SIMC1: variants seen among roughly 807,000 people sequenced by gnomAD.
The protein encoded by SIMC1 is SUMO interacting motifs containing 1.
A neutral mutation model predicts 82.3 loss-of-function variants in SIMC1; 55 were observed. That is an observed-to-expected ratio of 0.67 (90% CI 0.54 to 0.84). The LOEUF (loss-of-function observed/expected upper bound fraction) is 0.84, where lower values mean the gene tolerates loss of function less well. Among genes scored for constraint, SIMC1 ranks in the 40% least tolerant of loss-of-function variants. The probability of loss-of-function intolerance (pLI) is 0.00; values close to 1 mark genes in which losing one functional copy is unlikely to be tolerated. For synonymous variants in SIMC1, 353 were observed against 426.3 expected (o/e 0.83, Z 2.12); for missense variants, 915 against 1,107.2 (o/e 0.83, Z 2.46).
chr5:176,262,483 A>T (rs1398614798), intron 1 of SIMC1, among the ~76,000 whole-genome samples: 1 of 152,138 alleles, frequency 6.6e-6, no homozygotes, highest in Admixed American at 6.6e-5. Context: ...GTCCTAGCTA[A>T]TGTGACAAAA....
intron 4 of SIMC1, chr5:176,308,483 CA>C: frequency 1.2e-6 from 2 of 1,607,708 alleles, no homozygotes; most frequent in East Asian, 4.5e-5. Context: ...GCACCCAAGC[CA>C]TGTACCAGAT....
intron 1 of SIMC1, among the ~76,000 whole-genome samples, chr5:176,285,901 T>A (rs1763254667): frequency 6.6e-6 from 1 of 152,134 alleles, no homozygotes; most frequent in African/African-American, 2.4e-5. Flanking sequence ...TCAAAGAGAA[T>A]AAAATACCTA....
chr5:176,291,136 C>T (rs1763541934), intron 2 of SIMC1, among the ~76,000 whole-genome samples, 181 bp downstream of exon 2: 3 of 149,496 alleles, frequency 2.0e-5, no homozygotes, highest in South Asian at 2.1e-4. Context: ...ATTTTAGCCC[C>T]ACGCTTAAAA....
intron 1 of SIMC1, among the ~76,000 whole-genome samples, chr5:176,276,309 G>A (rs981970286): frequency 2.6e-5 from 4 of 151,340 alleles, no homozygotes; most frequent in East Asian, 1.9e-4. Context: ...CTTTGGGATC[G>A]GTGGTGATCT....
intron 7 of SIMC1, among the ~76,000 whole-genome samples, chr5:176,330,316 G>T (rs972382552): frequency 6.6e-6 from 1 of 151,438 alleles, no homozygotes; most frequent in Non-Finnish European, 1.5e-5. Context: ...CAGGAGAATC[G>T]CTTGAAATCA....
chr5:176,345,120 G>C, intron 9 of SIMC1, 63 bp from the exon 10 acceptor site: 1 of 1,547,542 alleles, frequency 6.5e-7, no homozygotes. Flanking sequence ...ACCAAAATTA[G>C]ACTTCTTAAA....
chr5:176,273,086 G>T (rs1762517951), intron 1 of SIMC1, among the ~76,000 whole-genome samples: 1 of 152,160 alleles, frequency 6.6e-6, no homozygotes, highest in African/African-American at 2.4e-5. Context: ...GAGAGTAGTG[G>T]TTCTCCCAGC....
At chr5:176,294,692 G>A (rs1390160150) in intron 2 of SIMC1, among the ~76,000 whole-genome samples, 2 of 151,246 alleles carry the variant, frequency 1.3e-5, no homozygotes, top group Non-Finnish European at 2.9e-5. Context: ...GCTCGGCGCC[G>A]TGGCTCACAC....
intron 1 of SIMC1, among the ~76,000 whole-genome samples, chr5:176,246,844 G>C (rs1378980746): frequency 6.6e-6 from 1 of 151,792 alleles, no homozygotes; most frequent in African/African-American, 2.4e-5. Context: ...CCACTTATAA[G>C]TGAGAACATG....
intron 7 of SIMC1, among the ~76,000 whole-genome samples, chr5:176,334,747 G>A (rs1234273929): frequency 6.6e-6 from 1 of 152,124 alleles, no homozygotes; most frequent in Non-Finnish European, 1.5e-5. Flanking sequence ...AGTGCCCCCA[G>A]CAAGAAATCT....
In SIMC1 at chr5:176,286,812, G is replaced by A. The variant is rs567433275; in HGVS notation, c.130-2842G>A. Among the ~76,000 whole-genome samples, 5 of 152,202 alleles carry A rather than the reference G, an allele frequency of 3.3e-5. No individual in the cohort carries two copies. In the East Asian group the frequency reaches 7.7e-4, roughly 23 times the overall value. ...AAAAAATCAACCCTATCAAAAAGTG[G>A]GCGAAATATATGAACAGATACTTCT... On this transcript the variant is annotated intron_variant, in intron 1 of 9. Transcript: ENST00000429602.
intron 1 of SIMC1, among the ~76,000 whole-genome samples, chr5:176,266,527 C>T (rs1396781772): frequency 1.4e-5 from 2 of 147,300 alleles, no homozygotes; most frequent in African/African-American, 2.6e-5. Context: ...GTTTGCAGTT[C>T]GAATCTAGGC....
intron 1 of SIMC1, among the ~76,000 whole-genome samples, chr5:176,253,147 G>A (rs1329667562): frequency 6.6e-6 from 1 of 152,128 alleles, no homozygotes; most frequent in Non-Finnish European, 1.5e-5. Context: ...AGACAGAGAG[G>A]GAGAGGGAGA....
At chr5:176,249,880 A>G (rs1413241446) in intron 1 of SIMC1, among the ~76,000 whole-genome samples, 1 of 144,818 alleles carries the variant, frequency 6.9e-6, no homozygotes, top group Admixed American at 7.0e-5. Flanking sequence ...TCCTGAATTC[A>G]TTGATTTTTT....
At chr5:176,255,206 T>C (rs1029768715) in intron 1 of SIMC1, among the ~76,000 whole-genome samples, 8 of 151,748 alleles carry the variant, frequency 5.3e-5, no homozygotes, top group Admixed American at 4.6e-4. Flanking sequence ...ATTGTGCCAC[T>C]GCACTCCAGC....
intron 9 of SIMC1, among the ~76,000 whole-genome samples, chr5:176,343,852 G>T (rs1167212500): frequency 1.3e-5 from 2 of 152,062 alleles, no homozygotes; most frequent in East Asian, 3.9e-4. Flanking sequence ...GGAGTGCAGT[G>T]GTGTGATCTT....
chr5:176,331,768 A>G (rs1157573559), intron 7 of SIMC1, among the ~76,000 whole-genome samples: 5 of 152,068 alleles, frequency 3.3e-5, no homozygotes, highest in African/African-American at 1.2e-4. Context: ...CAGGAGTTCA[A>G]GACCAGCTTG....
rs115329137 is a variant in SIMC1, at chr5:176,272,646, G to A, written c.130-17008G>A. ...CTGAAGCAGGGTGAGGCTTTGCCTCGCCTGAGAAGCGCAAAGGGTCAGGGA... is the reference window on the plus strand; with the variant it reads ...CTGAAGCAGGGTGAGGCTTTGCCTCACCTGAGAAGCGCAAAGGGTCAGGGA... On this transcript the variant is annotated intron_variant, in intron 1 of 9. Transcript: ENST00000429602. 3.0e-3 allele frequency among the ~76,000 whole-genome samples: 456 copies of A among 152,230 alleles called. 1 individual carries two copies. Among genetic ancestry groups the A allele is most frequent in the Middle Eastern group, 0.01 (3 of 294 alleles).
intron 2 of SIMC1, among the ~76,000 whole-genome samples, chr5:176,294,005 C>CAA (rs549263266): frequency 1.3e-3 from 188 of 145,950 alleles, no homozygotes; most frequent in African/African-American, 4.6e-3. Flanking sequence ...ACTGTTCGCA[C>CAA]AAAAAAAAAA....
Sources: allele counts gnomAD v4.1 joint callset (sites outside exome capture counted in the v4.1 genomes callset), GRCh38; gene constraint gnomAD v4.1.1; transcripts MANE v1.5; gene names NCBI Gene and HGNC (gene_info 2026-07-23, HGNC 2026-07-21).